Variants in MASP1 observed in about 807,000 individuals in gnomAD.
The protein encoded by MASP1 is mannan-binding lectin serine protease 1.
A neutral mutation model predicts 77.1 loss-of-function variants in MASP1; 59 were observed. The ratio of observed to expected loss-of-function variants is 0.77; its 90% CI spans 0.62 to 0.95. The LOEUF is 0.95. Among genes scored for constraint, MASP1 ranks in the 40% least tolerant of loss-of-function variants. The probability of loss-of-function intolerance (pLI) is 0.00; values close to 1 mark genes in which losing one functional copy is unlikely to be tolerated. For synonymous variants in MASP1, 362 were observed against 354.5 expected (o/e 1.02, Z -0.24); for missense variants, 885 against 912.9 (o/e 0.97, Z 0.39).
chr3:187,283,609 A>G (rs1717608657), intron 2 of MASP1, among the ~76,000 whole-genome samples: 1 of 152,206 alleles, frequency 6.6e-6, no homozygotes, highest in Non-Finnish European at 1.5e-5. Context: ...AAAAAATTCT[A>G]TAATTTCTGT....
At position 187,262,529 on chromosome 3, in the gene MASP1, C is replaced by T. The variant is rs772387278; in HGVS notation, c.415+14G>A. The T allele has an allele frequency of 1.2e-5, 20 of 1,613,754 alleles. No homozygotes were observed. The South Asian group carries it at 2.0e-4, about 16-fold the overall frequency. ...GAGAGAGAGACCTGAGGATGAGTCA[C>T]TTCTCCAACTTACCCACAGCCATGT... On this transcript the variant is annotated intron_variant, in intron 3 of 10. Transcript: ENST00000296280.
rs1714617537 is a variant in MASP1, at chr3:187,251,706, C to T, written c.939G>A (p.Glu313=). 1 of 1,614,168 alleles carries T rather than the reference C, an allele frequency of 6.2e-7. No individual in the cohort carries two copies. The highest frequency in any genetic ancestry group is 1.3e-5 in the African/African-American group (1 of 75,038). The change falls in exon 7 of 11, where the codon GAG becomes GAA. Residue 313 remains glutamate, a synonymous_variant. Coordinates refer to ENST00000296280, the MANE Select transcript of MASP1 (RefSeq NM_139125.4). The part of the protein sequence containing the change: ...ELQPPVHGKI[E]PSQAKYFFKD... ...TGAAGAAATACTTGGCTTGGGAGGG[C>T]TCGATTTTCCCATGGACAGGAGGCT... is the stretch of plus-strand genomic sequence containing the variant.
At chr3:187,252,677 G>T (rs1292747929) in intron 6 of MASP1, among the ~76,000 whole-genome samples, 1 of 152,170 alleles carries the variant, frequency 6.6e-6, no homozygotes, top group African/African-American at 2.4e-5. Flanking sequence ...GCTCGATCAA[G>T]GTTTGGGCCA....
rs1012792903 is a variant in MASP1 at position 187,251,831 on chromosome 3, G to A, written c.893-79C>T. The A allele has an allele frequency of 3.7e-5, 40 of 1,073,756 alleles. No homozygotes were observed. The African/African-American group carries it at 5.7e-4, about 15-fold the overall frequency. 66.5% of individuals were successfully genotyped at this position (1,073,756 alleles called of 1,614,324 possible). A position where few individuals can be genotyped will look rare whatever the true frequency, so the allele number is the denominator to read the frequency against. On this transcript the variant is annotated intron_variant, in intron 6 of 10. Coordinates refer to ENST00000296280, the MANE Select transcript of MASP1 (RefSeq NM_139125.4). ...AAAGGGCCAGTCCCTAGAAAGCAAG[G>A]CCTGATGAAGGTGAATAAAACATGG...
intron 11 of MASP1, among the ~76,000 whole-genome samples, chr3:187,227,566 C>T (rs898656339): frequency 3.3e-5 from 5 of 152,092 alleles, no homozygotes; most frequent in South Asian, 2.1e-4. Flanking sequence ...AGTTCAGGGT[C>T]GAGGGCAGAA....
At chr3:187,220,035 C>T (rs1395255189) in exon 16 of MASP1, 9 of 1,608,716 alleles carry the variant, frequency 5.6e-6, no homozygotes, top group Non-Finnish European at 7.6e-6. Context: ...CTACTGACTG[C>T]CCACAGCTGG....
At chr3:187,286,637 A>G (rs1321095458) in intron 1 of MASP1, among the ~76,000 whole-genome samples, 1 of 152,254 alleles carries the variant, frequency 6.6e-6, no homozygotes, top group Non-Finnish European at 1.5e-5. Context: ...CAGAAATAAT[A>G]GACTAATAAA....
downstream of MASP1, among the ~76,000 whole-genome samples, chr3:187,230,230 C>T (rs915133663): frequency 3.9e-5 from 6 of 152,284 alleles, no homozygotes; most frequent in South Asian, 1.0e-3. Context: ...TTGAGAATTT[C>T]GCTAAACATA....
At chr3:187,224,493 C>A (rs1253855628) in intron 13 of MASP1, among the ~76,000 whole-genome samples, 1 of 151,420 alleles carries the variant, frequency 6.6e-6, no homozygotes, top group Non-Finnish European at 1.5e-5. Context: ...ACTACAGGCG[C>A]CCGCCACTAT....
At position 187,226,468 on chromosome 3, in the gene MASP1, C is replaced by G. The variant is rs555276852; in HGVS notation, c.1494G>C (p.Pro498=). The G allele has an allele frequency of 3.2e-5, 52 of 1,612,990 alleles. No individual in the cohort carries two copies. In the South Asian group the frequency reaches 4.5e-4, roughly 14 times the overall value. The change falls in exon 12 of 16, where the codon CCG becomes CCC. Residue 498 remains proline, a synonymous_variant. Transcript: ENST00000337774. Reference sequence around the variant, plus strand: ...CTGAATCACGTAGGGTCGGATCTTCCGGATCGAGTGACTGGTGGAGGCAGT... The same window carrying G: ...CTGAATCACGTAGGGTCGGATCTTCGGGATCGAGTGACTGGTGGAGGCAGT...
chr3:187,244,658 A>T (rs1713936720), intron 8 of MASP1: 1 of 152,246 alleles, frequency 6.6e-6, no homozygotes, highest in Admixed American at 6.5e-5. Flanking sequence ...TTACTATCAG[A>T]ATGAGAGCAA....
In MASP1 at chr3:187,281,052, C is replaced by T. The variant is rs183109870; in HGVS notation, c.237+4773G>A. Among the ~76,000 whole-genome samples the T allele has an allele frequency of 1.8e-4, 28 of 152,334 alleles. 1 individual carries two copies. In the East Asian group the frequency reaches 5.0e-3, roughly 27 times the overall value. ...ACCCAGGACCCAGGCTGCCTGACTC[C>T]CTGACTAGTATCTGTGCTTTGCCTC... On this transcript the variant is annotated intron_variant, in intron 2 of 10. Coordinates refer to ENST00000296280, the MANE Select transcript of MASP1 (RefSeq NM_139125.4).
In MASP1 at chr3:187,260,744, G is replaced by A. The variant is rs775303052; in HGVS notation, c.544C>T (p.Arg182Ter). The A allele has an allele frequency of 9.3e-6, 15 of 1,614,120 alleles. No individual in the cohort carries two copies. Among genetic ancestry groups the A allele is most frequent in the Non-Finnish European group, 1.2e-5 (14 of 1,180,020 alleles). The part of the protein sequence containing the change: ...YILHTDNRTC[R>*]VECSDNLFTQ... The stretch of plus-strand genomic sequence containing the variant: ...TACAATCATTGGTAGGCTCTACCTC[G>A]GCAGGTCCTGTTGTCTGTGTGGAGG... The change falls in exon 4 of 11, where the codon CGA becomes TGA. Residue 182 changes from arginine (R) to a stop codon, truncating the protein, a stop_gained. Coordinates refer to ENST00000296280, the MANE Select transcript of MASP1 (RefSeq NM_139125.4). LOFTEE classifies it high-confidence loss of function.
Position 187,253,249 on chromosome 3 carries a change from G to C in MASP1, c.811C>G (p.Gln271Glu), listed in dbSNP as rs376724149. 14 of 1,614,064 alleles carry C rather than the reference G, an allele frequency of 8.7e-6. No individual in the cohort carries two copies. The highest frequency in any genetic ancestry group is 1.6e-4 in the Middle Eastern group (1 of 6,084). Residue 271 changes from glutamine (Q) to glutamate (E), a missense_variant, in exon 6 of 11, where the codon CAG (glutamine) becomes GAG (glutamate). Physicochemically the swap from Gln to Glu is conservative, Grantham distance 29 (BLOSUM62 2). Coordinates refer to ENST00000296280, the MANE Select transcript of MASP1 (RefSeq NM_139125.4). ...AACAGGATCAGGACACTGTGGCTCT[G>C]GGTGCTGATGGGTTCTGGGGCTTTC... ...GEKAPEPIST[Q>E]SHSVLILFHS...
At chr3:187,229,806 C>T, downstream of MASP1, 1 of 1,614,192 alleles carries the variant, frequency 6.2e-7, no homozygotes, top group Non-Finnish European at 8.5e-7. Context: ...GGTGTGACAG[C>T]ATGGCAATCC....
At chr3:187,223,615 C>T (rs973440444) in intron 13 of MASP1, among the ~76,000 whole-genome samples, 4 of 152,210 alleles carry the variant, frequency 2.6e-5, no homozygotes, top group African/African-American at 9.7e-5. Flanking sequence ...AGCCAGCCCT[C>T]CTCTCTGCTC....
chr3:187,256,715 T>C lies in MASP1; in HGVS notation c.693A>G (p.Ile231Met). Residue 231 changes from isoleucine to methionine, a missense_variant, in exon 5 of 11, where the codon ATA (isoleucine) becomes ATG (methionine). By Grantham distance (10) the Ile-to-Met change is conservative. Transcript: ENST00000296280. ...CCTCAGGATGGTCCTCAATGTCAAA[T>C]ATGTCCTCAAACTGCAGGTTGACCA... ...GFMVNLQFED[I>M]FDIEDHPEVP... 6.2e-7 allele frequency: 1 copy of C among 1,613,940 alleles called. No individual in the cohort carries two copies. Among genetic ancestry groups the C allele is most frequent in the Non-Finnish European group, 8.5e-7 (1 of 1,180,008 alleles).
At chr3:187,282,223 C>T (rs1717474016) in intron 2 of MASP1, among the ~76,000 whole-genome samples, 1 of 152,096 alleles carries the variant, frequency 6.6e-6, no homozygotes, top group African/African-American at 2.4e-5. Context: ...AAAATGTGGG[C>T]CGGGTGCAGT....
intron 2 of MASP1, among the ~76,000 whole-genome samples, chr3:187,279,979 T>C (rs866016808): frequency 2.0e-5 from 3 of 152,356 alleles, no homozygotes; most frequent in Admixed American, 6.5e-5. Context: ...TACTGATCTT[T>C]GCAGACCCAG....
Sources: allele counts gnomAD v4.1 joint callset (sites outside exome capture counted in the v4.1 genomes callset), GRCh38; gene constraint gnomAD v4.1.1; transcripts MANE v1.5; gene names NCBI Gene and HGNC (gene_info 2026-07-23, HGNC 2026-07-21).